SPATA7: variants seen among roughly 807,000 people sequenced by gnomAD.
The protein encoded by SPATA7 is spermatogenesis-associated protein 7.
Under a neutral mutation model 51.8 loss-of-function variants are expected in SPATA7, and 43 were observed. The observed-to-expected ratio is 0.83, with a 90% CI of 0.65 to 1.07. The LOEUF (loss-of-function observed/expected upper bound fraction) is 1.07, where lower values mean the gene tolerates loss of function less well. Ranked by LOEUF, SPATA7 falls within the 50% of genes least tolerant of loss-of-function variation. The pLI is 0.00. For missense variants in SPATA7, 683 were observed against 701.3 expected (o/e 0.97, Z 0.30); for synonymous variants, 230 against 252.8 (o/e 0.91, Z 0.86).
At chr14:88,455,194 G>A in exon 4 of SPATA7, 1 of 428,286 alleles carries the variant, frequency 2.3e-6, no homozygotes, top group Middle Eastern at 3.4e-4. Context: ...GAAATTGATA[G>A]CAAATCTTTA....
intron 4 of SPATA7, among the ~76,000 whole-genome samples, chr14:88,404,015 C>T (rs1278418653): frequency 2.6e-5 from 4 of 151,986 alleles, no homozygotes; most frequent in African/African-American, 7.3e-5. Context: ...GAAACATATA[C>T]AGTTTGTCTG....
downstream of SPATA7, among the ~76,000 whole-genome samples, chr14:88,458,108 G>A (rs1382003513): frequency 2.0e-5 from 3 of 152,128 alleles, no homozygotes; most frequent in Non-Finnish European, 4.4e-5. Flanking sequence ...GCTTTTTGAT[G>A]TGCTGCTGGA....
downstream of SPATA7, among the ~76,000 whole-genome samples, chr14:88,439,295 A>G (rs1250719505): frequency 6.6e-6 from 1 of 151,674 alleles, no homozygotes; most frequent in Non-Finnish European, 1.5e-5. Context: ...CAGCTGGCTG[A>G]GATGTTGTCT....
Position 88,393,606 on chromosome 14 carries a change from G to A in SPATA7, c.190+118G>A, listed in dbSNP as rs574044234. 2.3e-5 allele frequency: 19 copies of A among 831,590 alleles called. No homozygotes were observed. In the African/African-American group the frequency reaches 3.2e-4, roughly 14 times the overall value. 51.5% of individuals were successfully genotyped at this position (831,590 alleles called of 1,614,324 possible). ...TATATATATGAGAGGATTTGTATTTGTTTGGTTTAGTGTGATACAAACTAT... is the reference window on the plus strand; with the variant it reads ...TATATATATGAGAGGATTTGTATTTATTTGGTTTAGTGTGATACAAACTAT... On this transcript the variant is annotated intron_variant, in intron 3 of 11. Transcript: ENST00000393545.
chr14:88,436,892 AGCTTTG>A (rs2077104150), intron 10 of SPATA7, among the ~76,000 whole-genome samples: 1 of 151,898 alleles, frequency 6.6e-6, no homozygotes, highest in Non-Finnish European at 1.5e-5. Flanking sequence ...TACTTAGGAT[AGCTTTG>A]GCTATTCTGG....
At chr14:88,402,073 T>G (rs1304201305) in intron 4 of SPATA7, among the ~76,000 whole-genome samples, 1 of 152,064 alleles carries the variant, frequency 6.6e-6, no homozygotes, top group Admixed American at 6.6e-5. Flanking sequence ...ATAAAATGCT[T>G]AGGAATAACC....
intron 5 of SPATA7, 48 bp downstream of exon 5, chr14:88,416,892 T>A: frequency 6.7e-7 from 1 of 1,483,590 alleles, no homozygotes; most frequent in Non-Finnish European, 9.3e-7. Flanking sequence ...CTAAGGTACT[T>A]CTTTAGTGGT....
intron 4 of SPATA7, among the ~76,000 whole-genome samples, chr14:88,414,052 A>G (rs1055110734): frequency 1.3e-5 from 2 of 152,034 alleles, no homozygotes; most frequent in African/African-American, 4.8e-5. Flanking sequence ...TGTTAGAATT[A>G]TGCTGGTTTC....
intron 5 of SPATA7, among the ~76,000 whole-genome samples, chr14:88,425,182 T>A (rs2076754178): frequency 6.6e-6 from 1 of 152,126 alleles, no homozygotes; most frequent in Admixed American, 6.5e-5. Context: ...AAATGAGCTA[T>A]ACATGAAAAT....
chr14:88,455,669 CTT>C (rs200175072), downstream of SPATA7, among the ~76,000 whole-genome samples: 1 of 147,002 alleles, frequency 6.8e-6, no homozygotes, highest in African/African-American at 2.5e-5. Context: ...CATAAAATTG[CTT>C]TTTTTTTTAG....
downstream of SPATA7, among the ~76,000 whole-genome samples, chr14:88,458,609 C>T (rs931606721): frequency 1.9e-4 from 29 of 151,886 alleles, no homozygotes; most frequent in African/African-American, 5.8e-4. Flanking sequence ...ATTTGATTCT[C>T]CCCTCTTTTC....
chr14:88,426,893 A>G (rs184820443), intron 6 of SPATA7, among the ~76,000 whole-genome samples, 189 bp downstream of exon 6: 11 of 152,330 alleles, frequency 7.2e-5, no homozygotes, highest in Admixed American at 2.0e-4. Flanking sequence ...AAAAATAGCT[A>G]TTAAACTGGT....
rs1186595556 is a variant in SPATA7, at chr14:88,385,810, G to A, written c.-9G>A. The A allele has an allele frequency of 1.2e-6, 2 of 1,606,414 alleles. No individual in the cohort carries two copies. Among genetic ancestry groups the A allele is most frequent in the Non-Finnish European group, 1.7e-6 (2 of 1,177,036 alleles). On this transcript the variant is annotated 5_prime_UTR_variant, in exon 1 of 12. Coordinates refer to ENST00000393545, the MANE Select transcript of SPATA7 (RefSeq NM_018418.5). ...GCGTGTCCCTGCGGCGGCTGCAAGAGGACTAAGCATGGATGGCAGCCGGAG... is the reference window on the plus strand; with the variant it reads ...GCGTGTCCCTGCGGCGGCTGCAAGAAGACTAAGCATGGATGGCAGCCGGAG...
rs367830780 is a variant in SPATA7, at chr14:88,391,418, G to A, written c.57G>A (p.Pro19=). The part of the protein sequence containing the change: ...ATSVLPRYGP[P]CLFKGHLSTK... ...CTGTCCTTCCCAGATATGGTCCACC[G>A]TGCCTATTTAAAGGACACTTGAGCA... Residue 19 remains proline (P), a synonymous_variant, in exon 2 of 12, where the codon CCG becomes CCA. Coordinates refer to ENST00000393545, the MANE Select transcript of SPATA7 (RefSeq NM_018418.5). The A allele has an allele frequency of 3.0e-5, 48 of 1,613,360 alleles. No homozygotes were observed. Among genetic ancestry groups the A allele is most frequent in the East Asian group, 2.7e-4 (12 of 44,872 alleles).
intron 4 of SPATA7, chr14:88,467,383 A>T (rs1006699065): frequency 1.3e-5 from 2 of 152,240 alleles, no homozygotes; most frequent in African/African-American, 4.8e-5. Context: ...AATAATGCTT[A>T]TTCTCTTACA....
At chr14:88,428,057 CTT>C (rs572137417) in intron 7 of SPATA7, 6 of 149,516 alleles carry the variant, frequency 4.0e-5, no homozygotes, top group South Asian at 2.1e-4. Flanking sequence ...GTTTTTATAC[CTT>C]TTTTTTTTTT....
At chr14:88,431,606 C>G (rs1037423189) in intron 9 of SPATA7, among the ~76,000 whole-genome samples, 2 of 152,052 alleles carry the variant, frequency 1.3e-5, no homozygotes, top group African/African-American at 4.8e-5. Context: ...TCAGCTTGTC[C>G]CTCATTCCCG....
chr14:88,392,039 T>G (rs534565173), intron 2 of SPATA7, among the ~76,000 whole-genome samples: 7 of 152,208 alleles, frequency 4.6e-5, no homozygotes, highest in Non-Finnish European at 1.0e-4. Flanking sequence ...AGGAAAAATC[T>G]TTGATACTGT....
At chr14:88,456,394 TG>T (rs2140055519), downstream of SPATA7, among the ~76,000 whole-genome samples, 1 of 152,192 alleles carries the variant, frequency 6.6e-6, no homozygotes, top group Non-Finnish European at 1.5e-5. Context: ...TGTTGTTTCC[TG>T]ACTTTTTAAT....
Sources: gnomAD v4.1 joint callset for allele counts (sites outside exome capture counted in the v4.1 genomes callset) on GRCh38, gnomAD v4.1.1 for gene constraint, MANE v1.5 for transcripts, NCBI Gene and HGNC (gene_info 2026-07-23, HGNC 2026-07-21) for gene names.